FNIP1: variants seen among roughly 807,000 people sequenced by gnomAD.
The protein encoded by FNIP1 is folliculin interacting protein 1, also known as folliculin-interacting protein 1.
FNIP1 carries 40 observed loss-of-function variants against 124.5 expected under a neutral mutation model. That is an observed-to-expected ratio of 0.32 (90% CI 0.25 to 0.42). FNIP1 has a LOEUF of 0.42. Among genes scored for constraint, FNIP1 ranks in the 10% least tolerant of loss-of-function variants. The pLI is 1.00. For synonymous variants in FNIP1, 472 were observed against 470.6 expected (o/e 1.00, Z -0.04); for missense variants, 1,176 against 1,403.7 (o/e 0.84, Z 2.59).
In FNIP1 at chr5:131,763,288, T is replaced by TACACACACAC. The variant is rs34544569; in HGVS notation, c.93-18608_93-18599dup. On this transcript the variant is annotated intron_variant, in intron 1 of 17. Coordinates refer to ENST00000510461, the MANE Select transcript of FNIP1 (RefSeq NM_133372.3). ...ATCTCACATACTTTGCAAATGCAAA[T>TACACACACAC]ACACACACACACACACACACACACA... Among the ~76,000 whole-genome samples the TACACACACAC allele has an allele frequency of 6.4e-3, 957 of 148,442 alleles. 13 individuals carry two copies. Among genetic ancestry groups the TACACACACAC allele is most frequent in the African/African-American group, 0.022 (893 of 39,872 alleles).
intron 2 of FNIP1, among the ~76,000 whole-genome samples, chr5:131,743,628 GAGGTGGGGACTTT>G (rs1561685411): frequency 6.6e-6 from 1 of 152,114 alleles, no homozygotes; most frequent in East Asian, 1.9e-4. Context: ...GCGATATTAG[GAGGTGGGGACTTT>G]AGGAGGTGAT....
chr5:131,738,901 C>T (rs1303751210), intron 2 of FNIP1, among the ~76,000 whole-genome samples: 1 of 151,364 alleles, frequency 6.6e-6, no homozygotes, highest in Non-Finnish European at 1.5e-5. Flanking sequence ...ATTGCAACCT[C>T]CACTTCCTGG....
At chr5:131,680,252 G>T (rs1768039023) in intron 11 of FNIP1, among the ~76,000 whole-genome samples, 1 of 152,142 alleles carries the variant, frequency 6.6e-6, no homozygotes, top group South Asian at 2.1e-4. Context: ...CAGTATCACT[G>T]TCTGGTAACA....
At chr5:131,779,487 G>A (rs562961637) in intron 1 of FNIP1, among the ~76,000 whole-genome samples, 2 of 151,628 alleles carry the variant, frequency 1.3e-5, no homozygotes, top group Non-Finnish European at 2.9e-5. Context: ...AGACCATCCT[G>A]GCCAACATGG....
At chr5:131,742,335 A>T (rs149891226) in intron 2 of FNIP1, among the ~76,000 whole-genome samples, 53 of 152,126 alleles carry the variant, frequency 3.5e-4, no homozygotes, top group Admixed American at 5.2e-4. Flanking sequence ...GTGGTGGTGC[A>T]CACCTGTAAT....
chr5:131,693,183 T>C (rs1425896975), intron 11 of FNIP1, among the ~76,000 whole-genome samples: 1 of 148,844 alleles, frequency 6.7e-6, no homozygotes, highest in Admixed American at 6.7e-5. Context: ...ATAGCTTGAT[T>C]TAGCCATTCC....
intron 9 of FNIP1, among the ~76,000 whole-genome samples, chr5:131,705,786 C>T (rs1247008365): frequency 1.3e-5 from 2 of 152,104 alleles, no homozygotes; most frequent in African/African-American, 2.4e-5. Context: ...CGAACAGATA[C>T]TTGCACACTC....
intron 1 of FNIP1, among the ~76,000 whole-genome samples, chr5:131,794,441 CAT>C (rs1169841033): frequency 1.3e-5 from 2 of 151,942 alleles, no homozygotes; most frequent in Non-Finnish European, 2.9e-5. Context: ...ACATTTAGCA[CAT>C]GACTCTGCAA....
intron 10 of FNIP1, among the ~76,000 whole-genome samples, chr5:131,700,203 C>G (rs985123238): frequency 1.3e-5 from 2 of 151,662 alleles, no homozygotes; most frequent in Non-Finnish European, 2.9e-5. Flanking sequence ...AAGATGGTCT[C>G]GATCTCTTGA....
intron 12 of FNIP1, among the ~76,000 whole-genome samples, chr5:131,678,229 A>G (rs989455864): frequency 6.6e-6 from 1 of 152,214 alleles, no homozygotes; most frequent in Non-Finnish European, 1.5e-5. Flanking sequence ...TACATTTCCA[A>G]ATTACTGAAT....
intron 2 of FNIP1, among the ~76,000 whole-genome samples, chr5:131,735,012 A>G (rs1770239292): frequency 1.3e-5 from 2 of 152,228 alleles, no homozygotes. Flanking sequence ...ATGCACACGT[A>G]TGTTTATTGC....
rs572971880 is a variant in FNIP1 at position 131,680,193 on chromosome 5, AC to A, written c.1203-1019del. 1.6e-3 allele frequency among the ~76,000 whole-genome samples: 246 copies of A among 152,324 alleles called. 1 individual carries two copies. The highest frequency in any genetic ancestry group is 5.1e-3 in the African/African-American group (211 of 41,576). ...GACGGCTGAGATTTTATTGTGCAATACTGCTCTAGAAAGTTCTCTGAGATTT... is the reference window on the plus strand; with the variant it reads ...GACGGCTGAGATTTTATTGTGCAATATGCTCTAGAAAGTTCTCTGAGATTT... On this transcript the variant is annotated intron_variant, in intron 11 of 17. Transcript: ENST00000510461.
At chr5:131,744,980 A>C (rs1385201905) in intron 1 of FNIP1, among the ~76,000 whole-genome samples, 1 of 151,844 alleles carries the variant, frequency 6.6e-6, no homozygotes, top group Non-Finnish European at 1.5e-5. Flanking sequence ...AATATACATA[A>C]GTATATTTAA....
intron 15 of FNIP1, among the ~76,000 whole-genome samples, chr5:131,665,239 T>C (rs1767563405): frequency 6.6e-6 from 1 of 152,086 alleles, no homozygotes; most frequent in African/African-American, 2.4e-5. Context: ...AAGTGGCCAA[T>C]TCTGGGTTTT....
intron 11 of FNIP1, among the ~76,000 whole-genome samples, chr5:131,693,297 C>CATATATAT (rs142195628): frequency 3.7e-5 from 1 of 27,034 alleles, no homozygotes; most frequent in African/African-American, 1.3e-4. Context: ...TAAATATATA[C>CATATATAT]ATATATATAT....
chr5:131,684,687 T>C (rs1458754806), intron 11 of FNIP1, among the ~76,000 whole-genome samples: 2 of 152,182 alleles, frequency 1.3e-5, no homozygotes, highest in East Asian at 3.8e-4. Flanking sequence ...AAAAAAGTCT[T>C]TTAAAATCTA....
At chr5:131,759,380 G>T (rs1204681545) in intron 1 of FNIP1, among the ~76,000 whole-genome samples, 1 of 151,944 alleles carries the variant, frequency 6.6e-6, no homozygotes, top group African/African-American at 2.4e-5. Context: ...TCCAGAATCT[G>T]TAAGAAACTT....
At chr5:131,786,265 A>G (rs1251424505) in intron 1 of FNIP1, among the ~76,000 whole-genome samples, 3 of 152,240 alleles carry the variant, frequency 2.0e-5, no homozygotes, top group Non-Finnish European at 4.4e-5. Context: ...GGATACCAGA[A>G]GTACAGCACT....
intron 15 of FNIP1, among the ~76,000 whole-genome samples, chr5:131,656,524 T>C (rs181058645): frequency 6.6e-6 from 1 of 152,294 alleles, no homozygotes; most frequent in East Asian, 1.9e-4. Flanking sequence ...GATGAAGTCA[T>C]TATATGACAA....
Sources: allele counts gnomAD v4.1 joint callset (sites outside exome capture counted in the v4.1 genomes callset), GRCh38; gene constraint gnomAD v4.1.1; transcripts MANE v1.5; gene names NCBI Gene and HGNC (gene_info 2026-07-23, HGNC 2026-07-21).